PTPRN2: variants seen among roughly 807,000 people sequenced by gnomAD.
PTPRN2 encodes protein tyrosine phosphatase receptor type N2.
A neutral mutation model predicts 118.8 loss-of-function variants in PTPRN2; 74 were observed. That is an observed-to-expected ratio of 0.62 (90% CI 0.52 to 0.76). The LOEUF (loss-of-function observed/expected upper bound fraction) is 0.76. Ranked by LOEUF, PTPRN2 falls within the 30% of genes least tolerant of loss-of-function variation. The pLI is 0.00. For synonymous variants in PTPRN2, 641 were observed against 608.0 expected (o/e 1.05, Z -0.80); for missense variants, 1,481 against 1,394.4 (o/e 1.06, Z -0.99).
intron 1 of PTPRN2, among the ~76,000 whole-genome samples, chr7:158,503,126 C>T (rs1822492759): frequency 6.6e-6 from 1 of 151,930 alleles, no homozygotes; most frequent in African/African-American, 2.4e-5. Flanking sequence ...CCACTGTGTC[C>T]ATAAGCCACT....
chr7:158,139,766 G>A (rs761143164), intron 6 of PTPRN2, among the ~76,000 whole-genome samples: 4 of 152,174 alleles, frequency 2.6e-5, no homozygotes, highest in Non-Finnish European at 4.4e-5. Context: ...CACCCTGCAT[G>A]TCCTGTAAGA....
intron 12 of PTPRN2, among the ~76,000 whole-genome samples, chr7:157,701,679 G>A (rs1434993157): frequency 6.6e-6 from 1 of 152,338 alleles, no homozygotes; most frequent in African/African-American, 2.4e-5. Context: ...CACTCACAAA[G>A]CACTGCGGTT....
intron 11 of PTPRN2, among the ~76,000 whole-genome samples, chr7:158,068,492 C>T (rs962022483): frequency 1.1e-4 from 16 of 152,178 alleles, no homozygotes; most frequent in Non-Finnish European, 2.2e-4. Flanking sequence ...GAACGGAGGC[C>T]GCGTCCTCAG....
At chr7:158,115,748 T>C (rs1032013268) in intron 9 of PTPRN2, among the ~76,000 whole-genome samples, 1 of 152,112 alleles carries the variant, frequency 6.6e-6, no homozygotes, top group African/African-American at 2.4e-5. Flanking sequence ...GCCCCATCCA[T>C]GGTGCTTTGT....
intron 12 of PTPRN2, among the ~76,000 whole-genome samples, chr7:157,762,890 C>T (rs1175394895): frequency 6.6e-6 from 1 of 152,230 alleles, no homozygotes; most frequent in Non-Finnish European, 1.5e-5. Context: ...GCCCTGCAGC[C>T]ACAATCCAGC....
At chr7:158,031,312 C>A (rs1291742149) in intron 11 of PTPRN2, among the ~76,000 whole-genome samples, 2 of 152,198 alleles carry the variant, frequency 1.3e-5, no homozygotes, top group Non-Finnish European at 2.9e-5. Flanking sequence ...TTTCCTGCAT[C>A]CCTGTACTCA....
chr7:157,570,249 G>A (rs1799691558), intron 20 of PTPRN2, among the ~76,000 whole-genome samples: 1 of 152,220 alleles, frequency 6.6e-6, no homozygotes, highest in African/African-American at 2.4e-5. Flanking sequence ...CCTATGCACA[G>A]CATATATTCA....
chr7:158,160,015 C>T (rs886823894), intron 6 of PTPRN2, among the ~76,000 whole-genome samples: 1 of 152,052 alleles, frequency 6.6e-6, no homozygotes, highest in Non-Finnish European at 1.5e-5. Context: ...GTTTAAAATC[C>T]CCTAAATCAT....
chr7:158,556,943 G>T (rs1364818280), intron 1 of PTPRN2, among the ~76,000 whole-genome samples: 5 of 147,098 alleles, frequency 3.4e-5, no homozygotes, highest in African/African-American at 1.3e-4. Flanking sequence ...TCCCGCGCAG[G>T]TCACTCCCAC....
At position 158,164,826 on chromosome 7, in the gene PTPRN2, G is replaced by A. The variant is rs117667898; in HGVS notation, c.910+2105C>T. ...GGAGAATGCAGGTAGAGGGGCAGCC[G>A]GTGCCGGGGAGGGGCAAGGAAGGCT... On this transcript the variant is annotated intron_variant, in intron 6 of 22. Coordinates refer to ENST00000389418, the MANE Select transcript of PTPRN2 (RefSeq NM_002847.5). Among the ~76,000 whole-genome samples the A allele has an allele frequency of 4.3e-3, 660 of 152,278 alleles. 15 individuals carry two copies. In the East Asian group the frequency reaches 0.06, roughly 14 times the overall value.
At chr7:157,799,824 GCCGGCCCC>G (rs1361579038) in intron 12 of PTPRN2, among the ~76,000 whole-genome samples, 106 of 132,410 alleles carry the variant, frequency 8.0e-4, no homozygotes, top group African/African-American at 3.1e-3. Context: ...AGGCACCACA[GCCGGCCCC>G]CTCCATCCCT....
At chr7:158,074,222 A>T (rs1585351533) in intron 11 of PTPRN2, among the ~76,000 whole-genome samples, 2 of 151,946 alleles carry the variant, frequency 1.3e-5, no homozygotes, top group Non-Finnish European at 2.9e-5. Flanking sequence ...GCTGGATTTC[A>T]CCTGCCCCGG....
In PTPRN2 at chr7:158,015,126, G is replaced by A. The variant is rs892736; in HGVS notation, c.1723+66172C>T. Reference sequence around the variant, plus strand: ...ATGAGAGGCTCAGATAGAGCAGAGGGAAACAATTCAGCTCCAGATACCCAG... The same window carrying A: ...ATGAGAGGCTCAGATAGAGCAGAGGAAAACAATTCAGCTCCAGATACCCAG... On this transcript the variant is annotated intron_variant, in intron 11 of 22. Coordinates refer to ENST00000389418, the MANE Select transcript of PTPRN2 (RefSeq NM_002847.5). The surrounding 1 kb of genome is among the most constrained non-coding windows in gnomAD (Gnocchi z 4.2). Among the ~76,000 whole-genome samples, 95,364 of 152,006 alleles carry A rather than the reference G, an allele frequency of 0.63. 30,111 individuals are homozygous for A. The highest frequency in any genetic ancestry group is 0.76 in the East Asian group (3,894 of 5,142).
At chr7:158,504,132 T>C (rs923061372) in intron 1 of PTPRN2, among the ~76,000 whole-genome samples, 41 of 152,154 alleles carry the variant, frequency 2.7e-4, no homozygotes, top group African/African-American at 8.7e-4. Flanking sequence ...AATATTTTGG[T>C]TTTCAGCTAC....
intron 14 of PTPRN2, among the ~76,000 whole-genome samples, chr7:157,621,845 G>A (rs549905281): frequency 7.9e-5 from 12 of 151,318 alleles, no homozygotes; most frequent in South Asian, 2.1e-4. Flanking sequence ...GGGCTGCTCC[G>A]CGTGCCCATT....
At chr7:157,966,471 T>C (rs1563281299) in intron 11 of PTPRN2, among the ~76,000 whole-genome samples, 3 of 152,084 alleles carry the variant, frequency 2.0e-5, no homozygotes, top group Non-Finnish European at 2.9e-5. Context: ...ACCATCATCA[T>C]CTTTATCATC....
intron 12 of PTPRN2, among the ~76,000 whole-genome samples, chr7:157,805,013 G>C (rs1805540254): frequency 6.6e-6 from 1 of 152,180 alleles, no homozygotes; most frequent in South Asian, 2.1e-4. Flanking sequence ...GCCTCAGCGT[G>C]GGGTGGGAGT....
Position 158,133,780 on chromosome 7 carries a change from G to C in PTPRN2, c.1453C>G (p.Gln485Glu), listed in dbSNP as rs193071298. 164 of 1,613,978 alleles carry C rather than the reference G, an allele frequency of 1.0e-4. No homozygotes were observed. Among genetic ancestry groups the C allele is most frequent in the Non-Finnish European group, 5.1e-6 (6 of 1,180,036 alleles). Residue 485 changes from glutamine to glutamate, a missense_variant, in exon 9 of 23, where the codon CAG becomes GAG. Physicochemically the swap from Gln to Glu is conservative, Grantham distance 29. Around this residue, in one of 3 missense-constraint regions of PTPRN2, gnomAD observed 1,115 missense variants for 994.2 expected, o/e 1.12. Transcript: ENST00000389418. Reference protein sequence around the residue: ...NQMPGPSKEEQSLPAGAQEAL... With the variant: ...NQMPGPSKEEESLPAGAQEAL... ...TCCTGAGCACCCGCTGGAAGGCTCT[G>C]CTCCTCCTTCGAGGGCCCAGGCATC...
At chr7:157,936,898 C>T (rs1459221719) in intron 11 of PTPRN2, among the ~76,000 whole-genome samples, 8 of 152,234 alleles carry the variant, frequency 5.3e-5, no homozygotes, top group South Asian at 2.1e-4. Flanking sequence ...CCTGTCTTTC[C>T]GCCATGGCCA....
Sources: allele counts gnomAD v4.1 joint callset (sites outside exome capture counted in the v4.1 genomes callset), GRCh38; gene constraint gnomAD v4.1.1; regional missense constraint gnomAD v4.1.1; non-coding constraint Gnocchi (gnomAD v3.1); transcripts MANE v1.5; gene names NCBI Gene and HGNC (gene_info 2026-07-23, HGNC 2026-07-21).